The following FHIT variants were observed in gnomAD, a reference collection of about 807,000 sequenced individuals.
The protein encoded by FHIT is bis(5'-adenosyl)-triphosphatase.
In FHIT, 19 loss-of-function variants were observed where a neutral mutation model predicts 17.9. The observed-to-expected ratio is 1.06, with a 90% CI of 0.74 to 1.56. FHIT has a LOEUF of 1.56. FHIT is among the 40% of genes most tolerant of loss of function. FHIT has a pLI of 0.00. For missense variants in FHIT, 248 were observed against 189.2 expected (o/e 1.31, Z -1.82); for synonymous variants, 81 against 69.7 (o/e 1.16, Z -0.81).
intron 3 of FHIT, among the ~76,000 whole-genome samples, chr3:60,859,723 ATTTTTTTTTTTTTTTTTTTT>A (rs71092647): frequency 3.1e-4 from 16 of 51,924 alleles, no homozygotes; most frequent in African/African-American, 8.3e-4. Context: ...TCTGAATACG[ATTTTTTTTTTTTTTTTTTTT>A]TTTTTTTTTT....
Position 60,027,145 on chromosome 3 carries a change from AC to A in FHIT, c.104-12994del, listed in dbSNP as rs1242765888. Among the ~76,000 whole-genome samples the A allele has an allele frequency of 2.3e-3, 312 of 135,240 alleles. 8 individuals are homozygous for A. In the South Asian group the frequency reaches 0.03, roughly 13 times the overall value. The allele number at this position is 135,240 out of a possible 152,430, so 88.7% of individuals were successfully genotyped here. A position where few individuals can be genotyped will look rare whatever the true frequency, so the allele number is the denominator to read the frequency against. On this transcript the variant is annotated intron_variant, in intron 5 of 9. Transcript: ENST00000492590. ...CACACACACACACACACACACACACACACAAAATTAGTAAACCCAATAATCC... is the reference window on the plus strand; with the variant it reads ...CACACACACACACACACACACACACAACAAAATTAGTAAACCCAATAATCC...
chr3:59,885,884 C>G (rs1012031396), intron 8 of FHIT, among the ~76,000 whole-genome samples: 7 of 152,222 alleles, frequency 4.6e-5, no homozygotes, highest in Non-Finnish European at 8.8e-5. Flanking sequence ...AGCAGGCAGG[C>G]AGGCCTCAAC....
At chr3:61,215,369 A>C (rs868389458) in intron 1 of FHIT, among the ~76,000 whole-genome samples, 1 of 152,200 alleles carries the variant, frequency 6.6e-6, no homozygotes, top group Admixed American at 6.5e-5. Context: ...CACCAATAAC[A>C]GACAAACAGA....
chr3:60,772,237 G>A (rs949210998), intron 4 of FHIT, among the ~76,000 whole-genome samples: 1 of 144,402 alleles, frequency 6.9e-6, no homozygotes, highest in African/African-American at 2.6e-5. Flanking sequence ...AGTCTGATAT[G>A]CAGAAGCATC....
intron 8 of FHIT, among the ~76,000 whole-genome samples, chr3:59,845,815 T>C (rs1349807673): frequency 6.6e-6 from 1 of 152,176 alleles, no homozygotes; most frequent in East Asian, 1.9e-4. Context: ...GTTCAAGTCC[T>C]CTGTTTTCTT....
intron 4 of FHIT, among the ~76,000 whole-genome samples, chr3:60,809,147 T>C (rs1239463406): frequency 6.6e-6 from 1 of 152,188 alleles, no homozygotes; most frequent in African/African-American, 2.4e-5. Flanking sequence ...TTAATAACTA[T>C]TACATTTAGT....
intron 7 of FHIT, among the ~76,000 whole-genome samples, chr3:59,932,810 A>C (rs1024099381): frequency 1.3e-5 from 2 of 152,182 alleles, no homozygotes; most frequent in African/African-American, 2.4e-5. Flanking sequence ...AGTGAATTAA[A>C]GGAAAGAATA....
chr3:60,837,482 G>A lies in FHIT; in HGVS notation c.-110-15471C>T, dbSNP rs569544298. Among the ~76,000 whole-genome samples the A allele has an allele frequency of 5.3e-5, 8 of 151,778 alleles. No homozygotes were observed. The East Asian group carries it at 7.7e-4, about 15-fold the overall frequency. On this transcript the variant is annotated intron_variant, in intron 3 of 9. Transcript: ENST00000492590. ...CATCTTTTCCCATTATTTTACTTTC[G>A]TCTATTGTTATATTGAAAGTGAGCT...
At chr3:60,611,918 A>C (rs1320325387) in intron 4 of FHIT, among the ~76,000 whole-genome samples, 3 of 152,160 alleles carry the variant, frequency 2.0e-5, no homozygotes, top group Non-Finnish European at 4.4e-5. Context: ...TGTTCTAGGC[A>C]GTCATGTAGG....
At chr3:60,186,815 G>GT (rs34706556) in intron 5 of FHIT, among the ~76,000 whole-genome samples, 43,994 of 147,256 alleles carry the variant, frequency 0.3, 7,340 homozygotes, top group Non-Finnish European at 0.39. Flanking sequence ...TATTGTATTT[G>GT]TTTTTTTTTT....
chr3:61,004,406 T>A (rs1478929258), intron 3 of FHIT, among the ~76,000 whole-genome samples: 1 of 152,074 alleles, frequency 6.6e-6, no homozygotes, highest in Non-Finnish European at 1.5e-5. Flanking sequence ...CCCACTGAAA[T>A]TAGAATAATT....
chr3:60,123,900 G>A (rs1705370990), intron 5 of FHIT, among the ~76,000 whole-genome samples: 1 of 145,332 alleles, frequency 6.9e-6, no homozygotes, highest in South Asian at 2.2e-4. Context: ...TTTGTTACAT[G>A]AGTATATTCC....
intron 1 of FHIT, among the ~76,000 whole-genome samples, chr3:61,213,157 A>G (rs1236301503): frequency 6.6e-6 from 1 of 152,232 alleles, no homozygotes; most frequent in Non-Finnish European, 1.5e-5. Flanking sequence ...ACATAACAAT[A>G]TTAACTTTAA....
intron 5 of FHIT, among the ~76,000 whole-genome samples, chr3:60,293,475 C>T (rs1043790368): frequency 4.6e-5 from 7 of 152,106 alleles, no homozygotes; most frequent in Non-Finnish European, 8.8e-5. Context: ...TATACTTTAT[C>T]GACCTTCTCT....
At chr3:60,267,406 T>A (rs1451067764) in intron 5 of FHIT, among the ~76,000 whole-genome samples, 2 of 152,040 alleles carry the variant, frequency 1.3e-5, no homozygotes, top group Non-Finnish European at 2.9e-5. Flanking sequence ...CATGGAAAAA[T>A]TATGCTATTA....
At chr3:59,986,824 ATACG>A (rs1708989994) in intron 7 of FHIT, among the ~76,000 whole-genome samples, 1 of 64,104 alleles carries the variant, frequency 1.6e-5, no homozygotes, top group Non-Finnish European at 2.8e-5. Flanking sequence ...ATTAAAATAT[ATACG>A]TATATATGTG....
intron 2 of FHIT, among the ~76,000 whole-genome samples, chr3:61,171,419 A>G (rs2038000381): frequency 6.6e-6 from 1 of 152,190 alleles, no homozygotes; most frequent in African/African-American, 2.4e-5. Flanking sequence ...GTCTGCTGAT[A>G]GTTCCTTTTG....
At chr3:59,900,013 A>T (rs1305707095) in intron 8 of FHIT, among the ~76,000 whole-genome samples, 3 of 152,214 alleles carry the variant, frequency 2.0e-5, no homozygotes, top group African/African-American at 7.2e-5. Flanking sequence ...TTTACTTACA[A>T]AACTAGGCCA....
intron 5 of FHIT, among the ~76,000 whole-genome samples, chr3:60,164,041 C>T (rs1701051083): frequency 6.6e-6 from 1 of 152,144 alleles, no homozygotes; most frequent in African/African-American, 2.4e-5. Context: ...TGGCTCAAAG[C>T]AGGATTCCAA....
Sources: allele counts gnomAD v4.1 joint callset (sites outside exome capture counted in the v4.1 genomes callset), GRCh38; gene constraint gnomAD v4.1.1; transcripts MANE v1.5; gene names NCBI Gene and HGNC (gene_info 2026-07-23, HGNC 2026-07-21).